ANKRD30BL: variants seen among roughly 807,000 people sequenced by gnomAD.
The protein encoded by ANKRD30BL is putative ankyrin repeat domain-containing protein 30B-like.
Under a neutral mutation model 18.4 loss-of-function variants are expected in ANKRD30BL, and 20 were observed. The observed-to-expected ratio is 1.09, with a 90% CI of 0.77 to 1.58. The LOEUF (loss-of-function observed/expected upper bound fraction) is 1.58, where lower values mean the gene tolerates loss of function less well. Ranked by LOEUF, ANKRD30BL falls within the 40% of genes most tolerant of loss-of-function variation. ANKRD30BL has a pLI of 0.00. For synonymous variants in ANKRD30BL, 72 were observed against 100.9 expected (o/e 0.71, Z 1.72); for missense variants, 224 against 268.6 (o/e 0.83, Z 1.16).
chr2:132,248,073 T>G (rs544765554), intron 1 of ANKRD30BL, among the ~76,000 whole-genome samples: 1 of 152,194 alleles, frequency 6.6e-6, no homozygotes, highest in South Asian at 2.1e-4. Flanking sequence ...TTTCTCAGAG[T>G]GCATCTGTCT....
At chr2:132,205,655 GAAA>G (rs1185193461) in intron 1 of ANKRD30BL, among the ~76,000 whole-genome samples, 1 of 150,272 alleles carries the variant, frequency 6.7e-6, no homozygotes, top group Non-Finnish European at 1.5e-5. Flanking sequence ...AAAAATAAAA[GAAA>G]AAATGAAAGC....
At chr2:132,172,111 T>C (rs1259686751) in intron 1 of ANKRD30BL, among the ~76,000 whole-genome samples, 1 of 152,218 alleles carries the variant, frequency 6.6e-6, no homozygotes, top group African/African-American at 2.4e-5. Flanking sequence ...ATTTTGTTTA[T>C]TCATTCATTT....
rs548237096 is a variant in ANKRD30BL at position 132,254,245 on chromosome 2, C to T, written n.441+3284G>A. The stretch of plus-strand genomic sequence containing the variant: ...TCTCGGGGCAGGTGGGGCCATGCAA[C>T]GAACAAAGGGCACGACTCCGCCCAT... On this transcript the variant is annotated intron_variant and non_coding_transcript_variant, in intron 1 of 4. Transcript: ENST00000470729. Among the ~76,000 whole-genome samples the T allele has an allele frequency of 7.3e-3, 1,109 of 151,984 alleles. 20 individuals are homozygous for T. Among genetic ancestry groups the T allele is most frequent in the African/African-American group, 0.026 (1,063 of 41,402 alleles).
chr2:132,218,906 T>A (rs147444484), intron 1 of ANKRD30BL, among the ~76,000 whole-genome samples: 2 of 152,202 alleles, frequency 1.3e-5, no homozygotes, highest in Non-Finnish European at 2.9e-5. Flanking sequence ...TTTTAAACAC[T>A]CTTTTTGTGG....
intron 4 of ANKRD30BL, among the ~76,000 whole-genome samples, chr2:132,151,471 A>C (rs1687755671): frequency 6.6e-6 from 1 of 151,994 alleles, no homozygotes; most frequent in Admixed American, 6.6e-5. Flanking sequence ...TCCCAATAAA[A>C]CCCAATATAT....
chr2:132,213,094 G>A (rs1258796974), intron 1 of ANKRD30BL, among the ~76,000 whole-genome samples: 1 of 150,782 alleles, frequency 6.6e-6, no homozygotes, highest in Admixed American at 6.6e-5. Flanking sequence ...CTTTTTATAG[G>A]AGCAGCAAGT....
At chr2:132,153,773 T>C in intron 4 of ANKRD30BL, 2 of 636,022 alleles carry the variant, frequency 3.1e-6, no homozygotes, top group South Asian at 3.3e-5. Context: ...ATTAACCATT[T>C]ACATGTATTA....
intron 1 of ANKRD30BL, among the ~76,000 whole-genome samples, chr2:132,222,026 C>T (rs1202857681): frequency 1.5e-5 from 2 of 137,840 alleles, no homozygotes; most frequent in Non-Finnish European, 3.1e-5. Flanking sequence ...GGCCAGCCAC[C>T]CTGTCCGGGA....
intron 1 of ANKRD30BL, among the ~76,000 whole-genome samples, chr2:132,206,776 T>C (rs572384715): frequency 1.5e-3 from 222 of 152,376 alleles, no homozygotes; most frequent in Admixed American, 5.4e-3. Flanking sequence ...GTTATTCTTT[T>C]ACGGTTCAGG....
intron 1 of ANKRD30BL, among the ~76,000 whole-genome samples, chr2:132,167,045 A>T (rs1161516056): frequency 6.6e-6 from 1 of 150,788 alleles, no homozygotes; most frequent in Non-Finnish European, 1.5e-5. Flanking sequence ...GGATGCATTT[A>T]GATGTTTTGT....
intron 1 of ANKRD30BL, among the ~76,000 whole-genome samples, chr2:132,214,040 A>C (rs572308286): frequency 4.6e-5 from 7 of 151,714 alleles, no homozygotes; most frequent in African/African-American, 1.2e-4. Context: ...TGATGTGTGC[A>C]TTCATCTCAT....
intron 1 of ANKRD30BL, among the ~76,000 whole-genome samples, chr2:132,244,794 C>T (rs532101829): frequency 4.6e-5 from 7 of 152,422 alleles, no homozygotes; most frequent in African/African-American, 1.2e-4. Flanking sequence ...TTCTCAGAAA[C>T]TTCTTTGTGA....
chr2:132,200,577 G>T (rs916436683), intron 1 of ANKRD30BL, among the ~76,000 whole-genome samples: 1 of 152,134 alleles, frequency 6.6e-6, no homozygotes, highest in East Asian at 1.9e-4. Flanking sequence ...CCTAGGAATC[G>T]GACTTACAAG....
At chr2:132,153,244 G>A (rs1020460633) in intron 4 of ANKRD30BL, among the ~76,000 whole-genome samples, 1 of 152,160 alleles carries the variant, frequency 6.6e-6, no homozygotes, top group African/African-American at 2.4e-5. Flanking sequence ...ATAAAGGTAT[G>A]GAAGACAGCC....
intron 1 of ANKRD30BL, among the ~76,000 whole-genome samples, chr2:132,215,787 G>A (rs533201236): frequency 1.3e-5 from 2 of 152,084 alleles, no homozygotes; most frequent in Admixed American, 1.3e-4. Context: ...CGATTGTGTA[G>A]TTTTCAAACA....
At chr2:132,212,520 T>C (rs1271770119) in intron 1 of ANKRD30BL, among the ~76,000 whole-genome samples, 1 of 151,960 alleles carries the variant, frequency 6.6e-6, no homozygotes, top group Middle Eastern at 3.2e-3. Context: ...TTGTGATGTG[T>C]CCATTCATCT....
chr2:132,228,066 G>C (rs778193456), intron 1 of ANKRD30BL, among the ~76,000 whole-genome samples: 3 of 151,876 alleles, frequency 2.0e-5, no homozygotes, highest in Non-Finnish European at 2.9e-5. Flanking sequence ...AGCACTTTTA[G>C]GCTTATGGTG....
chr2:132,174,141 G>C (rs1332397090), intron 1 of ANKRD30BL, among the ~76,000 whole-genome samples: 1 of 152,138 alleles, frequency 6.6e-6, no homozygotes, highest in Non-Finnish European at 1.5e-5. Context: ...GGATCAAGTG[G>C]GTTAAAACTA....
intron 1 of ANKRD30BL, among the ~76,000 whole-genome samples, chr2:132,220,286 C>T (rs961791066): frequency 6.8e-6 from 1 of 146,488 alleles, no homozygotes; most frequent in African/African-American, 2.5e-5. Flanking sequence ...TTTGGCCTCT[C>T]CCTCTCCCTC....
Sources: gnomAD v4.1 joint callset for allele counts (sites outside exome capture counted in the v4.1 genomes callset) on GRCh38, gnomAD v4.1.1 for gene constraint, MANE v1.5 for transcripts, NCBI Gene and HGNC (gene_info 2026-07-23, HGNC 2026-07-21) for gene names.